KIAA1958: variants seen among roughly 807,000 people sequenced by gnomAD.
The protein encoded by KIAA1958 is uncharacterized protein KIAA1958.
KIAA1958 carries 14 observed loss-of-function variants against 47.2 expected under a neutral mutation model. The ratio of observed to expected loss-of-function variants is 0.30; its 90% CI spans 0.20 to 0.46. The LOEUF is 0.46. KIAA1958 is among the 20% of genes least tolerant of loss of function. The pLI is 1.00. For missense variants in KIAA1958, 803 were observed against 909.2 expected (o/e 0.88, Z 1.50); for synonymous variants, 354 against 353.3 (o/e 1.00, Z -0.02).
intron 1 of KIAA1958, among the ~76,000 whole-genome samples, chr9:112,539,219 AT>A (rs1192890619): frequency 5.3e-5 from 8 of 152,224 alleles, no homozygotes; most frequent in Admixed American, 5.2e-4. Context: ...TATTGGAAAC[AT>A]TTGTCCACAT....
intron 2 of KIAA1958, among the ~76,000 whole-genome samples, chr9:112,595,676 TAA>T (rs57064581): frequency 0.8 from 107,470 of 133,622 alleles, 43,246 homozygotes; most frequent in South Asian, 0.86. Flanking sequence ...AGACTCCATC[TAA>T]AAAAAAAAAA....
At chr9:112,650,565 T>C (rs1280522196) in intron 3 of KIAA1958, among the ~76,000 whole-genome samples, 2 of 149,512 alleles carry the variant, frequency 1.3e-5, no homozygotes, top group Admixed American at 6.6e-5. Flanking sequence ...AACAAAGAGA[T>C]AGAGTGGATA....
chr9:112,508,193 A>C (rs903938723), intron 1 of KIAA1958, among the ~76,000 whole-genome samples: 11 of 152,198 alleles, frequency 7.2e-5, no homozygotes, highest in Non-Finnish European at 1.5e-4. Context: ...CGGAGCTTCC[A>C]GGGAAAATTT....
At chr9:112,488,231 G>C (rs1342117351) in intron 1 of KIAA1958, among the ~76,000 whole-genome samples, 1 of 152,124 alleles carries the variant, frequency 6.6e-6, no homozygotes, top group Admixed American at 6.5e-5. Flanking sequence ...TCCCCTCTAG[G>C]ATTGTGCCTT....
intron 1 of KIAA1958, among the ~76,000 whole-genome samples, chr9:112,516,874 G>T (rs1834445490): frequency 6.6e-6 from 1 of 152,216 alleles, no homozygotes; most frequent in African/African-American, 2.4e-5. Flanking sequence ...CAGCCATGTG[G>T]TGGAAGATTT....
chr9:112,568,815 G>T (rs1487892461), intron 1 of KIAA1958, among the ~76,000 whole-genome samples: 2 of 150,654 alleles, frequency 1.3e-5, no homozygotes, highest in Non-Finnish European at 3.0e-5. Flanking sequence ...CGGAGCCCAG[G>T]GGGCAGAGGT....
intron 1 of KIAA1958, among the ~76,000 whole-genome samples, chr9:112,540,671 G>A (rs1299925100): frequency 6.6e-6 from 1 of 150,902 alleles, no homozygotes; most frequent in East Asian, 1.9e-4. Context: ...TTTTGCTTTT[G>A]TTTAAGTTAA....
At chr9:112,520,282 T>C (rs1366729444) in intron 1 of KIAA1958, among the ~76,000 whole-genome samples, 4 of 152,240 alleles carry the variant, frequency 2.6e-5, no homozygotes, top group African/African-American at 4.8e-5. Context: ...CTACCTTCAG[T>C]TGTAGATAAG....
chr9:112,589,110 C>T (rs1041838169), intron 2 of KIAA1958, among the ~76,000 whole-genome samples: 1 of 152,188 alleles, frequency 6.6e-6, no homozygotes, highest in Non-Finnish European at 1.5e-5. Flanking sequence ...ATCCGCAATG[C>T]TTGTTCCTTT....
In KIAA1958 at chr9:112,533,443, G is replaced by A. The variant is rs146128713; in HGVS notation, c.-24-40614G>A. Among the ~76,000 whole-genome samples, 1,019 of 148,458 alleles carry A rather than the reference G, an allele frequency of 6.9e-3. 35 individuals carry two copies. Among genetic ancestry groups the A allele is most frequent in the East Asian group, 0.03 (153 of 5,086 alleles). On this transcript the variant is annotated intron_variant, in intron 1 of 3. Transcript: ENST00000337530. ...ACAAAGAAAAAAAAAATAGCCAGGC[G>A]TGGTGGTGGGTGCTGTAGTCCCAGC... is the stretch of plus-strand genomic sequence containing the variant.
At position 112,513,458 on chromosome 9, in the gene KIAA1958, C is replaced by G. The variant is rs1442273721; in HGVS notation, c.-25+26340C>G. ...CTGTTGAAAGCCTGGCTTGAAGGGT[C>G]GAAGGCGCCGCGGGCTGGGGTCGGT... On this transcript the variant is annotated intron_variant, in intron 1 of 3. Coordinates refer to ENST00000337530, the MANE Select transcript of KIAA1958 (RefSeq NM_133465.4). Among the ~76,000 whole-genome samples, 3 of 132,348 alleles carry G rather than the reference C, an allele frequency of 2.3e-5. No homozygotes were observed. The Admixed American group carries it at 2.3e-4, about 10-fold the overall frequency. The allele number at this position is 132,348 out of a possible 152,430, so 86.8% of individuals were successfully genotyped here. A position where few individuals can be genotyped will look rare whatever the true frequency, so the allele number is the denominator to read the frequency against.
chr9:112,570,284 G>A (rs531996210), intron 1 of KIAA1958, among the ~76,000 whole-genome samples: 8 of 152,264 alleles, frequency 5.3e-5, no homozygotes, highest in Admixed American at 3.3e-4. Context: ...GCTGGAGGGC[G>A]TTTTTTGAAT....
At chr9:112,586,249 A>C (rs1343985519) in intron 2 of KIAA1958, among the ~76,000 whole-genome samples, 2 of 152,264 alleles carry the variant, frequency 1.3e-5, no homozygotes, top group East Asian at 1.9e-4. Flanking sequence ...AATCTTTCTT[A>C]GGTGGAAATT....
chr9:112,586,654 T>C (rs1425521059), intron 2 of KIAA1958, among the ~76,000 whole-genome samples: 1 of 152,242 alleles, frequency 6.6e-6, no homozygotes, highest in African/African-American at 2.4e-5. Flanking sequence ...AAAGTTTGCC[T>C]GTGTATGATT....
chr9:112,615,675 A>G (rs1394886592), intron 2 of KIAA1958, among the ~76,000 whole-genome samples: 1 of 152,102 alleles, frequency 6.6e-6, no homozygotes, highest in Non-Finnish European at 1.5e-5. Flanking sequence ...TCAGGCCCCA[A>G]ACACTGTTTC....
At chr9:112,531,879 A>G (rs1299820718) in intron 1 of KIAA1958, among the ~76,000 whole-genome samples, 2 of 152,248 alleles carry the variant, frequency 1.3e-5, no homozygotes, top group Non-Finnish European at 2.9e-5. Flanking sequence ...GACTTCATTA[A>G]TGTCTGATCA....
chr9:112,535,487 G>C (rs1459156074), intron 1 of KIAA1958, among the ~76,000 whole-genome samples: 2 of 151,624 alleles, frequency 1.3e-5, no homozygotes, highest in Non-Finnish European at 2.9e-5. Context: ...TTCATCTGTT[G>C]ATGCACACTT....
chr9:112,500,011 T>C (rs1834107941), intron 1 of KIAA1958, among the ~76,000 whole-genome samples: 1 of 152,160 alleles, frequency 6.6e-6, no homozygotes, highest in African/African-American at 2.4e-5. Flanking sequence ...TTTCTAATGA[T>C]ATGTTTATAT....
chr9:112,528,017 T>G (rs115607838), intron 1 of KIAA1958, among the ~76,000 whole-genome samples: 1 of 152,106 alleles, frequency 6.6e-6, no homozygotes, highest in Non-Finnish European at 1.5e-5. Context: ...TCTGCCGATA[T>G]TATCTTCTAA....
Sources: gnomAD v4.1 joint callset for allele counts (sites outside exome capture counted in the v4.1 genomes callset) on GRCh38, gnomAD v4.1.1 for gene constraint, MANE v1.5 for transcripts, NCBI Gene and HGNC (gene_info 2026-07-23, HGNC 2026-07-21) for gene names.